Variants in SCAMP2 observed in about 807,000 individuals in gnomAD.
SCAMP2 encodes the protein secretory carrier membrane protein 2, also known as secretory carrier-associated membrane protein 2.
SCAMP2 carries 25 observed loss-of-function variants against 44.1 expected under a neutral mutation model. The ratio of observed to expected loss-of-function variants is 0.57; its 90% confidence interval spans 0.41 to 0.79. The LOEUF (loss-of-function observed/expected upper bound fraction) is 0.79. SCAMP2 is among the 30% of genes least tolerant of loss of function. The probability of loss-of-function intolerance (pLI) is 0.00; values close to 1 mark genes in which losing one functional copy is unlikely to be tolerated. For missense variants in SCAMP2, 355 were observed against 411.0 expected (o/e 0.86, Z 1.18); for synonymous variants, 156 against 166.0 (o/e 0.94, Z 0.46).
chr15:74,846,370 G>T (rs111293990), intron 7 of SCAMP2, among the ~76,000 whole-genome samples: 2 of 150,496 alleles, frequency 1.3e-5, no homozygotes, highest in African/African-American at 4.9e-5. Context: ...ACTTGAGCCC[G>T]TGAGGTTCAA....
intron 1 of SCAMP2, among the ~76,000 whole-genome samples, chr15:74,858,049 C>A (rs1042686142): frequency 6.6e-6 from 1 of 152,186 alleles, no homozygotes; most frequent in Non-Finnish European, 1.5e-5. Context: ...AACGCTGAGA[C>A]AAGTGGATAT....
At chr15:74,864,654 T>C (rs1469625783) in intron 1 of SCAMP2, among the ~76,000 whole-genome samples, 1 of 151,806 alleles carries the variant, frequency 6.6e-6, no homozygotes, top group Non-Finnish European at 1.5e-5. Flanking sequence ...GAGGACCAAA[T>C]TGAGGGACAG....
intron 1 of SCAMP2, among the ~76,000 whole-genome samples, chr15:74,868,741 G>T (rs2064558172): frequency 6.6e-6 from 1 of 152,106 alleles, no homozygotes; most frequent in Non-Finnish European, 1.5e-5. Flanking sequence ...ATGGGGTTTT[G>T]CCATGTTGCC....
Position 74,844,076 on chromosome 15 carries a change from T to A in SCAMP2, c.*1007A>T. The A allele has an allele frequency of 6.6e-6, 1 of 151,926 alleles. No homozygotes were observed. The highest frequency in any genetic ancestry group is 1.5e-5 in the Non-Finnish European group (1 of 68,142). The allele number at this position is 151,926 out of a possible 1,614,324, so 9.4% of individuals were successfully genotyped here. On this transcript the variant is annotated 3_prime_UTR_variant, in exon 9 of 9. Coordinates refer to ENST00000268099, the MANE Select transcript of SCAMP2 (RefSeq NM_005697.5). ...CGAGAGATGGCTTATCAGTCCCTGCTGAGGGATGCGGTTCTGGACTGGCTG... is the reference window on the plus strand; with the variant it reads ...CGAGAGATGGCTTATCAGTCCCTGCAGAGGGATGCGGTTCTGGACTGGCTG...
intron 1 of SCAMP2, among the ~76,000 whole-genome samples, chr15:74,857,455 C>A (rs1222192613): frequency 6.6e-6 from 1 of 152,200 alleles, no homozygotes; most frequent in Non-Finnish European, 1.5e-5. Context: ...CAGCAGACAC[C>A]TAGCCACCGC....
rs1265547465 is a variant in SCAMP2, at chr15:74,850,606, C to T, written c.540G>A (p.Lys180=). ...CLAWFSGNSS[K]GVDFGLSILW... The stretch of plus-strand genomic sequence containing the variant: ...GGATGGAGAGGCCAAAGTCCACTCC[C>T]TTGGAGCTGTTGCCCGAGAACCAGG... The change falls in exon 6 of 9, where the codon AAG becomes AAA. Residue 180 remains lysine, a synonymous_variant. Transcript: ENST00000268099. 2 of 1,613,986 alleles carry T rather than the reference C, an allele frequency of 1.2e-6. No individual in the cohort carries two copies. Among genetic ancestry groups the T allele is most frequent in the African/African-American group, 2.7e-5 (2 of 74,908 alleles).
intron 1 of SCAMP2, among the ~76,000 whole-genome samples, chr15:74,868,574 C>T (rs141394509): frequency 6.6e-6 from 1 of 152,142 alleles, no homozygotes; most frequent in Non-Finnish European, 1.5e-5. Flanking sequence ...GATAGAGTTT[C>T]ACTCTATTAC....
rs2064393454 is a variant in SCAMP2, at chr15:74,845,532, T to C, written c.796A>G (p.Met266Val). 2.5e-6 allele frequency: 4 copies of C among 1,613,980 alleles called. No individual in the cohort carries two copies. The highest frequency in any genetic ancestry group is 2.2e-5 in the South Asian group (2 of 91,092). The change falls in exon 8 of 9, where the codon ATG becomes GTG. Residue 266 changes from methionine (M) to valine (V), a missense_variant. Met to Val is a conservative substitution (Grantham distance 21). Transcript: ENST00000268099. ...NHSLAISVIM[M>V]VVAGFFTLCA... Reference sequence around the variant, plus strand: ...AGGGTGAAGAAGCCAGCCACCACCATCATGATGACTGATATGGCCAGGGAA... The same window carrying C: ...AGGGTGAAGAAGCCAGCCACCACCACCATGATGACTGATATGGCCAGGGAA...
chr15:74,845,244 A>G, intron 8 of SCAMP2, 27 bp from the exon 9 acceptor site: 3 of 1,607,940 alleles, frequency 1.9e-6, no homozygotes, highest in Non-Finnish European at 2.5e-6. Context: ...GGGTGAGAGA[A>G]GCCTGTCCTT....
At chr15:74,858,570 T>C (rs1293326859) in intron 1 of SCAMP2, among the ~76,000 whole-genome samples, 1 of 152,056 alleles carries the variant, frequency 6.6e-6, no homozygotes, top group Non-Finnish European at 1.5e-5. Flanking sequence ...GGGAAGTAGC[T>C]TGTCTTAAGA....
rs889373691 is a variant in SCAMP2, at chr15:74,845,024, G to T, written c.*59C>A. 58 of 1,572,534 alleles carry T rather than the reference G, an allele frequency of 3.7e-5. No individual in the cohort carries two copies. Among genetic ancestry groups the T allele is most frequent in the Non-Finnish European group, 4.8e-5 (55 of 1,153,808 alleles). On this transcript the variant is annotated 3_prime_UTR_variant, in exon 9 of 9. Transcript: ENST00000268099. ...ACCACCACCACATAAGGCACCCACG[G>T]AAAGTGCAGCTCAGAAGGCAGGCGA...
intron 1 of SCAMP2, among the ~76,000 whole-genome samples, chr15:74,870,542 C>A (rs1386004387): frequency 6.6e-6 from 1 of 152,122 alleles, no homozygotes; most frequent in Non-Finnish European, 1.5e-5. Flanking sequence ...AAGTCTGTTA[C>A]CAGAAGACAT....
intron 1 of SCAMP2, among the ~76,000 whole-genome samples, chr15:74,859,317 C>T (rs1410296770): frequency 6.6e-6 from 1 of 152,216 alleles, no homozygotes; most frequent in Non-Finnish European, 1.5e-5. Context: ...AGACACAGCT[C>T]TCACCCTTCT....
In SCAMP2 at chr15:74,844,942, C is replaced by T. The variant is rs781250448; in HGVS notation, c.*141G>A. 12 of 918,956 alleles carry T rather than the reference C, an allele frequency of 1.3e-5. No homozygotes were observed. The highest frequency in any genetic ancestry group is 5.0e-5 in the African/African-American group (3 of 59,962). The allele number at this position is 918,956 out of a possible 1,614,324, so 56.9% of individuals were successfully genotyped here. A position where few individuals can be genotyped will look rare whatever the true frequency, so the allele number is the denominator to read the frequency against. The stretch of plus-strand genomic sequence containing the variant: ...CCCTCCCGTTCCAGGGAGAGCTGGT[C>T]GCTGAGGGAGGAGGAAGAGCCACGG... On this transcript the variant is annotated 3_prime_UTR_variant, in exon 9 of 9. Coordinates refer to ENST00000268099, the MANE Select transcript of SCAMP2 (RefSeq NM_005697.5).
At chr15:74,864,945 G>A (rs1194714595) in intron 1 of SCAMP2, among the ~76,000 whole-genome samples, 2 of 150,526 alleles carry the variant, frequency 1.3e-5, no homozygotes, top group African/African-American at 4.9e-5. Context: ...AAATTAGCCG[G>A]GCGTGGTGGC....
intron 3 of SCAMP2, chr15:74,853,739 C>T: frequency 3.9e-6 from 2 of 514,106 alleles, no homozygotes; most frequent in South Asian, 2.1e-5. Context: ...TGGAGGGGTA[C>T]AACAGGGACA....
intron 7 of SCAMP2, 147 bp from the exon 8 acceptor site, chr15:74,845,740 C>T: frequency 2.0e-6 from 2 of 1,004,346 alleles, no homozygotes; most frequent in Non-Finnish European, 3.0e-6. Context: ...AGCCAGAAGC[C>T]CTTGGCCTGT....
At chr15:74,859,673 G>A (rs2141177352) in intron 1 of SCAMP2, among the ~76,000 whole-genome samples, 1 of 148,938 alleles carries the variant, frequency 6.7e-6, no homozygotes, top group East Asian at 2.0e-4. Context: ...CTGGAGTGCA[G>A]TGGCGCAATC....
chr15:74,870,444 G>A (rs1334837369), intron 1 of SCAMP2, among the ~76,000 whole-genome samples: 1 of 152,014 alleles, frequency 6.6e-6, no homozygotes, highest in Admixed American at 6.6e-5. Flanking sequence ...CATAAAAAAT[G>A]GAAAATCATC....
Sources: allele counts gnomAD v4.1 joint callset (sites outside exome capture counted in the v4.1 genomes callset), GRCh38; gene constraint gnomAD v4.1.1; transcripts MANE v1.5; gene names NCBI Gene and HGNC (gene_info 2026-07-23, HGNC 2026-07-21).